SPG11: variants seen among roughly 807,000 people sequenced by gnomAD.
The protein encoded by SPG11 is spatacsin.
In SPG11, 222 loss-of-function variants were observed where a neutral mutation model predicts 274.0. That is an observed-to-expected ratio of 0.81 (90% CI 0.73 to 0.91). The LOEUF (loss-of-function observed/expected upper bound fraction) is 0.91, where lower values mean the gene tolerates loss of function less well. SPG11 is among the 40% of genes least tolerant of loss of function. The pLI, the probability that SPG11 is intolerant of heterozygous loss-of-function variation, is 0.00. For synonymous variants in SPG11, 1,144 were observed against 1,039.7 expected, an observed-to-expected ratio of 1.10 and a Z score of -1.93; for missense variants, 3,114 against 2,872.7, an observed-to-expected ratio of 1.08 and a Z score of -1.92.
At chr15:44,587,406 CTG>C (rs1491365047) in intron 28 of SPG11, among the ~76,000 whole-genome samples, 1 of 152,094 alleles carries the variant, frequency 6.6e-6, no homozygotes, top group Admixed American at 6.6e-5. Context: ...GAACATATTC[CTG>C]GCTGGGCACA....
chr15:44,651,763 T>G lies in SPG11; in HGVS notation c.1184A>C (p.Gln395Pro), dbSNP rs758480359. The change falls in exon 6 of 40, where the codon CAA becomes CCA. Residue 395 changes from glutamine to proline, a missense_variant. Gln to Pro is a moderately conservative substitution (Grantham distance 76). Coordinates refer to ENST00000261866, the MANE Select transcript of SPG11 (RefSeq NM_025137.4). ...ATGATCTTTCTGTAGAACATTATATTGCCCATGCATTATGTCCTGTGGAAT... is the reference window on the plus strand; with the variant it reads ...ATGATCTTTCTGTAGAACATTATATGGCCCATGCATTATGTCCTGTGGAAT... ...AFIPQDIMHG[Q>P]YNVLQKDHAK... 6.2e-7 allele frequency: 1 copy of G among 1,614,244 alleles called. No homozygotes were observed. The highest frequency in any genetic ancestry group is 8.5e-7 in the Non-Finnish European group (1 of 1,180,050).
chr15:44,599,133 GC>G (rs1230366347), intron 21 of SPG11, among the ~76,000 whole-genome samples: 3 of 152,054 alleles, frequency 2.0e-5, no homozygotes, highest in African/African-American at 7.2e-5. Context: ...CTGAAAGACT[GC>G]CAACTTGTGA....
rs139091750 is a variant in SPG11 at position 44,657,201 on chromosome 15, T to C, written c.763A>G (p.Lys255Glu). The C allele has an allele frequency of 7.2e-5, 116 of 1,614,186 alleles. No homozygotes were observed. The African/African-American group carries it at 1.4e-3, about 19-fold the overall frequency. Residue 255 changes from lysine to glutamate, a missense_variant, in exon 4 of 40, where the codon AAG (lysine) becomes GAG (glutamate). Physicochemically the swap from Lys to Glu is moderately conservative, Grantham distance 56. Transcript: ENST00000261866. Reference protein sequence around the residue: ...MCNEQQQEPAKISSFTSLKVS... With the variant: ...MCNEQQQEPAEISSFTSLKVS... ...TTCAGTGAAGTAAATGAAGAAATCT[T>C]GGCTGGCTCCTGTTGCTGCTCATTA...
intron 28 of SPG11, 141 bp downstream of exon 28, chr15:44,589,111 C>A (rs554981999): frequency 1.3e-6 from 1 of 774,706 alleles, no homozygotes; most frequent in East Asian, 2.6e-5. Context: ...ATTTAAAGTT[C>A]TCTGTAACTT....
Position 44,610,854 on chromosome 15 carries a change from C to G in SPG11, c.3277G>C (p.Gly1093Arg). Residue 1093 changes from glycine (G) to arginine (R), a missense_variant, in exon 18 of 40, where the codon GGG becomes CGG. Physicochemically the swap from Gly to Arg is moderately radical, Grantham distance 125 (BLOSUM62 -2). Coordinates refer to ENST00000261866, the MANE Select transcript of SPG11 (RefSeq NM_025137.4). ...LALATTMYSP[G>R]GVSQVVQNEE... ...GCTATCCATACCTGACTGACACCCCCAGGAGAATACATTGTAGTAGCAAGG... is the reference window on the plus strand; with the variant it reads ...GCTATCCATACCTGACTGACACCCCGAGGAGAATACATTGTAGTAGCAAGG... The G allele has an allele frequency of 6.2e-7, 1 of 1,613,924 alleles. No homozygotes were observed. The highest frequency in any genetic ancestry group is 8.5e-7 in the Non-Finnish European group (1 of 1,179,954).
intron 16 of SPG11, among the ~76,000 whole-genome samples, chr15:44,613,883 A>T (rs1239927613): frequency 6.6e-6 from 1 of 152,158 alleles, no homozygotes; most frequent in Non-Finnish European, 1.5e-5. Context: ...AGAGGCTTTT[A>T]AAAAACTCTT....
In SPG11 at chr15:44,608,483, A is replaced by G; in HGVS notation, c.3414T>C (p.Ser1138=). The stretch of plus-strand genomic sequence containing the variant: ...AGATTGTAATATCAGATGGCAGGAC[A>G]CTAGGAGGAGTGCACTGTGGGAAGA... ...TALFPQCTPP[S]VLPSDITIYH... is the part of the protein sequence containing the mutation. Residue 1138 remains serine (S), a synonymous_variant, in exon 19 of 40, where the codon AGT becomes AGC. Transcript: ENST00000261866. 1 of 1,614,160 alleles carries G rather than the reference A, an allele frequency of 6.2e-7. No homozygotes were observed.
chr15:44,589,126 A>T, intron 28 of SPG11, 126 bp downstream of exon 28: 2 of 896,646 alleles, frequency 2.2e-6, no homozygotes, highest in Non-Finnish European at 3.5e-6. Context: ...TAACTTGTTT[A>T]CTCCCAGTTG....
In SPG11 at chr15:44,627,651, G is replaced by A. The variant is rs1220553641; in HGVS notation, c.2067+1018C>T. ...GTCACCTGGGCTGGAGTGCAGTGGT[G>A]CGATCTCAGCTCACCGCAACCTCCA... On this transcript the variant is annotated intron_variant, in intron 10 of 39. Coordinates refer to ENST00000261866, the MANE Select transcript of SPG11 (RefSeq NM_025137.4). Among the ~76,000 whole-genome samples the A allele has an allele frequency of 2.6e-5, 4 of 151,700 alleles. No homozygotes were observed. The South Asian group carries it at 8.3e-4, about 32-fold the overall frequency.
Position 44,651,631 on chromosome 15 carries a change from A to C in SPG11, c.1316T>G (p.Phe439Cys). Residue 439 changes from phenylalanine to cysteine, a missense_variant, in exon 6 of 40, where the codon TTT (phenylalanine) becomes TGT (cysteine). Physicochemically the swap from Phe to Cys is radical, Grantham distance 205. Transcript: ENST00000261866. ...CVSVTGFTAL[F>C]TWEVERMGYT... ...GCCCATCCTTTCCACTTCCCAAGTA[A>C]ACAGTGCAGTGAATCCTGTCACAGA... 1 of 1,614,234 alleles carries C rather than the reference A, an allele frequency of 6.2e-7. No homozygotes were observed. The highest frequency in any genetic ancestry group is 8.5e-7 in the Non-Finnish European group (1 of 1,180,040).
chr15:44,591,711 G>A (rs62024980), intron 27 of SPG11, among the ~76,000 whole-genome samples: 7 of 152,202 alleles, frequency 4.6e-5, no homozygotes, highest in Admixed American at 2.0e-4. Context: ...GGTGGCTCAT[G>A]CCTGTCATCC....
intron 8 of SPG11, among the ~76,000 whole-genome samples, chr15:44,630,860 G>A (rs1480161699): frequency 2.0e-5 from 3 of 152,216 alleles, no homozygotes; most frequent in East Asian, 3.9e-4. Context: ...TCATAGGCGT[G>A]AGACACTGCA....
At chr15:44,618,206 C>T (rs1244711519) in intron 15 of SPG11, among the ~76,000 whole-genome samples, 1 of 151,962 alleles carries the variant, frequency 6.6e-6, no homozygotes, top group Non-Finnish European at 1.5e-5. Context: ...CTAGGTACCC[C>T]TTTTAAGTTA....
chr15:44,653,009 T>C (rs2084831299), intron 4 of SPG11, among the ~76,000 whole-genome samples: 3 of 152,120 alleles, frequency 2.0e-5, no homozygotes, highest in Admixed American at 6.6e-5. Flanking sequence ...AGGTAAAGTA[T>C]GTATGTGGGT....
At chr15:44,565,070 T>C (rs367839786) in intron 38 of SPG11, among the ~76,000 whole-genome samples, 13 of 152,260 alleles carry the variant, frequency 8.5e-5, no homozygotes, top group African/African-American at 2.9e-4. Flanking sequence ...TCACAATGAA[T>C]TGAAACTGCT....
intron 30 of SPG11, among the ~76,000 whole-genome samples, chr15:44,581,737 A>T (rs775485968): frequency 1.1e-4 from 16 of 152,070 alleles, no homozygotes; most frequent in Non-Finnish European, 2.1e-4. Context: ...ATGTATGCAG[A>T]AGTAATAAAA....
Position 44,659,124 on chromosome 15 carries a change from G to C in SPG11, c.622C>G (p.Leu208Val). 1 of 1,614,208 alleles carries C rather than the reference G, an allele frequency of 6.2e-7. No individual in the cohort carries two copies. The highest frequency in any genetic ancestry group is 8.5e-7 in the Non-Finnish European group (1 of 1,180,040). The change falls in exon 3 of 40, where the codon CTC (leucine) becomes GTC (valine). Residue 208 changes from leucine to valine, a missense_variant. Leu to Val is a conservative substitution (Grantham distance 32). Transcript: ENST00000261866. ...AAAACAAAAAGAATTCCTCTGCAGA[G>C]CTGCGTGTCAATAATCATGTCCACT... ...QAVDMIIDTQ[L>V]CRGILFVLSS... is the part of the protein sequence containing the mutation.
At position 44,648,925 on chromosome 15, in the gene SPG11, C is replaced by T. The variant is rs1201598107; in HGVS notation, c.1543G>A (p.Asp515Asn). 6.2e-7 allele frequency: 1 copy of T among 1,613,986 alleles called. No individual in the cohort carries two copies. The highest frequency in any genetic ancestry group is 1.3e-5 in the African/African-American group (1 of 74,928). The change falls in exon 7 of 40, where the codon GAC becomes AAC. Residue 515 changes from aspartate (D) to asparagine (N), a missense_variant. By Grantham distance (23) the Asp-to-Asn change is conservative. Coordinates refer to ENST00000261866, the MANE Select transcript of SPG11 (RefSeq NM_025137.4). ...LMIHGSASTV[D>N]TLCHLNGWGR... ...CAGCCATTGAGATGACAAAGAGTGT[C>T]CACAGTGCTGGCACTTCCATGGATC... is the stretch of plus-strand genomic sequence containing the variant.
At position 44,663,616 on chromosome 15, in the gene SPG11, G is replaced by A. The variant is rs911245988; in HGVS notation, c.32C>T (p.Ala11Val). ...GGTGCCCCAGCTACCGCCGGCGGAAGCAGCACTCGCGACCCCTTCCTCTGC... is the reference window on the plus strand; with the variant it reads ...GGTGCCCCAGCTACCGCCGGCGGAAACAGCACTCGCGACCCCTTCCTCTGC... Reference protein sequence around the residue: MAAEEGVASAASAGGSWGTAA... With the variant: MAAEEGVASAVSAGGSWGTAA... Residue 11 changes from alanine (A) to valine (V), a missense_variant, in exon 1 of 40, where the codon GCT becomes GTT. Transcript: ENST00000261866. 47 of 1,596,248 alleles carry A rather than the reference G, an allele frequency of 2.9e-5. No homozygotes were observed. The highest frequency in any genetic ancestry group is 4.0e-5 in the Non-Finnish European group (47 of 1,176,018).
Sources: allele counts gnomAD v4.1 joint callset (sites outside exome capture counted in the v4.1 genomes callset), GRCh38; gene constraint gnomAD v4.1.1; transcripts MANE v1.5; gene names NCBI Gene and HGNC (gene_info 2026-07-23, HGNC 2026-07-21).